GRK7: variants seen among roughly 807,000 people sequenced by gnomAD.
The protein encoded by GRK7 is G protein-coupled receptor kinase 7.
GRK7 carries 24 observed loss-of-function variants against 34.1 expected under a neutral mutation model. That is an observed-to-expected ratio of 0.70 (90% CI 0.51 to 0.99). The LOEUF is 0.99. GRK7 is among the 50% of genes least tolerant of loss of function. GRK7 has a pLI of 0.00. For missense variants in GRK7, 644 were observed against 707.3 expected, an observed-to-expected ratio of 0.91 and a Z score of 1.02; for synonymous variants, 256 against 279.4, an observed-to-expected ratio of 0.92 and a Z score of 0.84.
chr3:141,750,079 T>C, the GRK7 span, among the ~76,000 whole-genome samples: 1 of 152,190 alleles, frequency 6.6e-6, no homozygotes, highest in South Asian at 2.1e-4. Flanking sequence ...TTTGGGAATC[T>C]TCATATGCTT....
intron 5 of GRK7, among the ~76,000 whole-genome samples, chr3:141,808,831 T>C (rs2107894539): frequency 6.6e-6 from 1 of 152,272 alleles, no homozygotes; most frequent in South Asian, 2.1e-4. Context: ...TTCTGGAGAT[T>C]GGTTGCATAA....
chr3:141,763,954 C>T lies in GRK7; in HGVS notation c.-1999C>T, dbSNP rs767658696. ...GTTTCTTCTGCAACACTTCTGCTCC[C>T]CTCATCCAACTGGACCTGGCAACAT... On this transcript the variant is annotated 5_prime_UTR_variant, in exon 1 of 6. Transcript: ENST00000682958. Among the ~76,000 whole-genome samples the T allele has an allele frequency of 3.9e-5, 6 of 152,144 alleles. No homozygotes were observed. The highest frequency in any genetic ancestry group is 7.3e-5 in the Non-Finnish European group (5 of 68,038).
intron 4 of GRK7, among the ~76,000 whole-genome samples, chr3:141,796,523 T>C (rs1024878416): frequency 2.0e-5 from 3 of 152,204 alleles, no homozygotes; most frequent in African/African-American, 7.2e-5. Flanking sequence ...TCTGCAGCTG[T>C]GCTTTGTTCT....
At chr3:141,788,921 C>T (rs1390152893) in intron 4 of GRK7, among the ~76,000 whole-genome samples, 4 of 152,194 alleles carry the variant, frequency 2.6e-5, no homozygotes, top group Non-Finnish European at 5.9e-5. Flanking sequence ...GAAACCTCTA[C>T]CTCTCACGTT....
rs201386342 is a variant in GRK7, at chr3:141,780,651, C to T, written c.890C>T (p.Ser297Leu). The change falls in exon 4 of 6, where the codon TCG becomes TTG. Residue 297 changes from serine to leucine, a missense_variant. Ser to Leu is a moderately radical substitution (Grantham distance 145). Transcript: ENST00000682958. ...GLDMSRVIFY[S>L]AQIACGMLHL... is the part of the protein sequence containing the mutation. The stretch of plus-strand genomic sequence containing the variant: ...GACATGAGCCGGGTGATCTTTTACT[C>T]GGCCCAGATAGCCTGTGGGATGCTG... The T allele has an allele frequency of 3.9e-5, 63 of 1,614,186 alleles. No homozygotes were observed. The East Asian group carries it at 5.6e-4, about 14-fold the overall frequency.
In GRK7 at chr3:141,789,295, A is replaced by AGTCTCT. The variant is rs571984186; in HGVS notation, c.1050+8493_1050+8498dup. ...CAGGTGTCTGAGCAGTGTCCCTGGG[A>AGTCTCT]GTCTCTGTCTCTGTTTCCCAGCTTC... is the stretch of plus-strand genomic sequence containing the variant. On this transcript the variant is annotated intron_variant, in intron 4 of 5. Transcript: ENST00000682958. Among the ~76,000 whole-genome samples the AGTCTCT allele has an allele frequency of 3.3e-5, 5 of 152,198 alleles. 1 individual carries two copies. In the South Asian group the frequency reaches 1.0e-3, roughly 32 times the overall value.
chr3:141,774,629 G>A lies in GRK7; in HGVS notation c.-165G>A, dbSNP rs555739754. ...ACATTCCTAAGAACCACGGGAAAAG[G>A]CATTTGCTCCTCCGAAGAAATTCTC... On this transcript the variant is annotated 5_prime_UTR_variant, in exon 2 of 6. Transcript: ENST00000682958. Among the ~76,000 whole-genome samples the A allele has an allele frequency of 2.6e-5, 4 of 152,070 alleles. No individual in the cohort carries two copies. The highest frequency in any genetic ancestry group is 2.1e-4 in the South Asian group (1 of 4,814).
At chr3:141,800,751 T>C (rs1710952024) in intron 4 of GRK7, among the ~76,000 whole-genome samples, 1 of 152,170 alleles carries the variant, frequency 6.6e-6, no homozygotes, top group South Asian at 2.1e-4. Flanking sequence ...TAATCTATAG[T>C]AACAGAAATC....
intron 4 of GRK7, among the ~76,000 whole-genome samples, chr3:141,795,347 A>G (rs1256482110): frequency 6.6e-6 from 1 of 152,158 alleles, no homozygotes; most frequent in Admixed American, 6.5e-5. Flanking sequence ...ACATCTTACA[A>G]TGAATAGCAC....
At chr3:141,809,849 A>G (rs1711075442) in intron 5 of GRK7, among the ~76,000 whole-genome samples, 1 of 152,208 alleles carries the variant, frequency 6.6e-6, no homozygotes, top group Non-Finnish European at 1.5e-5. Context: ...TAGACTGGTC[A>G]TTTTACCTCA....
intron 4 of GRK7, among the ~76,000 whole-genome samples, chr3:141,799,299 C>T (rs553738745): frequency 2.0e-5 from 3 of 152,158 alleles, no homozygotes; most frequent in African/African-American, 7.2e-5. Context: ...TCTATAGAGG[C>T]GGAATAATGT....
At chr3:141,762,542 T>C (rs2084560129), upstream of GRK7, among the ~76,000 whole-genome samples, 1 of 151,320 alleles carries the variant, frequency 6.6e-6, no homozygotes, top group African/African-American at 2.4e-5. Flanking sequence ...GACATTTAAG[T>C]CTGCAGAGGT....
At chr3:141,773,872 TC>T (rs1399901119) in intron 1 of GRK7, among the ~76,000 whole-genome samples, 3 of 152,130 alleles carry the variant, frequency 2.0e-5, no homozygotes, top group African/African-American at 7.2e-5. Context: ...TTGCTGAAAG[TC>T]ACACAGCTAG....
the GRK7 span, among the ~76,000 whole-genome samples, chr3:141,755,803 C>A: frequency 3.9e-5 from 6 of 152,072 alleles, no homozygotes; most frequent in African/African-American, 1.4e-4. Flanking sequence ...TATATACTTA[C>A]CCTATGATCT....
chr3:141,777,047 C>A (rs1330164824), intron 2 of GRK7, among the ~76,000 whole-genome samples: 1 of 152,054 alleles, frequency 6.6e-6, no homozygotes, highest in Non-Finnish European at 1.5e-5. Flanking sequence ...CTTGGTGGGG[C>A]GCATGGGCAA....
At chr3:141,751,255 A>G in the GRK7 span, among the ~76,000 whole-genome samples, 1 of 152,142 alleles carries the variant, frequency 6.6e-6, no homozygotes. Context: ...CTGCCATACT[A>G]ACTCTAGCTC....
At chr3:141,792,561 C>T (rs539460686) in intron 4 of GRK7, among the ~76,000 whole-genome samples, 77 of 152,228 alleles carry the variant, frequency 5.1e-4, no homozygotes, top group African/African-American at 1.8e-3. Context: ...ATTCAACTTA[C>T]ATGATACTAG....
At chr3:141,801,310 C>CAAAAA (rs55657739) in intron 4 of GRK7, among the ~76,000 whole-genome samples, 356 of 69,516 alleles carry the variant, frequency 5.1e-3, no homozygotes, top group Middle Eastern at 0.01. Context: ...GACTCCGTCT[C>CAAAAA]AAAAAAAAAA....
chr3:141,811,152 T>TA (rs1158046378), intron 5 of GRK7, among the ~76,000 whole-genome samples: 1 of 151,716 alleles, frequency 6.6e-6, no homozygotes, highest in African/African-American at 2.4e-5. Context: ...CCCTCTCTAC[T>TA]AAAAAAATAC....
Sources: gnomAD v4.1 joint callset for allele counts (sites outside exome capture counted in the v4.1 genomes callset) on GRCh38, gnomAD v4.1.1 for gene constraint, MANE v1.5 for transcripts, NCBI Gene and HGNC (gene_info 2026-07-23, HGNC 2026-07-21) for gene names.